FHL1: variants seen among roughly 807,000 people sequenced by gnomAD.
FHL1 encodes four and a half LIM domains protein 1.
Under a neutral mutation model 20.3 loss-of-function variants are expected in FHL1, and 1 was observed. The ratio of observed to expected loss-of-function variants is 0.05; its 90% CI spans 0.02 to 0.23. The LOEUF (loss-of-function observed/expected upper bound fraction) is 0.23. Among genes scored for constraint, FHL1 ranks in the 10% least tolerant of loss-of-function variants. The probability of loss-of-function intolerance (pLI) is 1.00; values close to 1 mark genes in which losing one functional copy is unlikely to be tolerated. For missense variants in FHL1, 177 were observed against 234.0 expected, an observed-to-expected ratio of 0.76 and a Z score of 1.59; for synonymous variants, 82 against 88.9, an observed-to-expected ratio of 0.92 and a Z score of 0.44.
upstream of FHL1, chrX:136,147,154 G>C (rs2072115333): frequency 5.1e-6 from 1 of 197,095 alleles, no homozygotes; most frequent in East Asian, 1.4e-4. Flanking sequence ...GGGGGCCCGA[G>C]GCGCCCCCGG....
intron 1 of FHL1, among the ~76,000 whole-genome samples, chrX:136,152,645 A>G (rs1457014751): frequency 2.0e-5 from 2 of 99,707 alleles, no homozygotes; most frequent in African/African-American, 7.4e-5. Context: ...GCTTGAATCC[A>G]GGAGTCGGAG....
chrX:136,190,969 GC>G (rs1187861186), intron 2 of FHL1, among the ~76,000 whole-genome samples: 4 of 111,168 alleles, frequency 3.6e-5, no homozygotes, highest in African/African-American at 9.8e-5. Flanking sequence ...CTCAGACCTG[GC>G]CCACTTTATC....
At chrX:136,179,409 A>G (rs1386797024) in intron 2 of FHL1, among the ~76,000 whole-genome samples, 1 of 111,792 alleles carries the variant, frequency 8.9e-6, no homozygotes, top group African/African-American at 3.3e-5. Context: ...GACTTCACAT[A>G]GGATCTTGAC....
upstream of FHL1, among the ~76,000 whole-genome samples, chrX:136,168,660 C>T (rs2072776992): frequency 9.0e-6 from 1 of 111,690 alleles, no homozygotes. Flanking sequence ...TCAGCAGATT[C>T]ATCCATTTTG....
intron 2 of FHL1, among the ~76,000 whole-genome samples, chrX:136,179,412 A>G (rs1443920723): frequency 9.0e-6 from 1 of 111,562 alleles, no homozygotes. Flanking sequence ...TTCACATAGG[A>G]TCTTGACCTG....
At chrX:136,206,933 A>G (rs2073856587) in intron 2 of FHL1, 83 bp from the exon 3 acceptor site, 1 of 1,063,368 alleles carries the variant, frequency 9.4e-7, no homozygotes, top group Admixed American at 2.2e-5. Flanking sequence ...GGTCAGTCCC[A>G]GGGAAATCAG....
chrX:136,202,761 AAAAG>A lies in FHL1; in HGVS notation c.23-3632_23-3629del, dbSNP rs768407951. Reference sequence around the variant, plus strand: ...CAGAGCGAGACTCCGTCTAAAATAAAAAAGAAAGAAAGAAAGAGCAAGCTTTTCT... The same window carrying A: ...CAGAGCGAGACTCCGTCTAAAATAAAAAAGAAAGAAAGAGCAAGCTTTTCT... On this transcript the variant is annotated intron_variant, in intron 1 of 5. Transcript: ENST00000370683. 4.2e-4 allele frequency among the ~76,000 whole-genome samples: 47 copies of A among 112,131 alleles called. No individual in the cohort carries two copies. The South Asian group carries it at 6.0e-3, about 14-fold the overall frequency.
At chrX:136,149,906 C>T (rs1231482957) in intron 1 of FHL1, among the ~76,000 whole-genome samples, 1 of 111,725 alleles carries the variant, frequency 9.0e-6, no homozygotes, top group Non-Finnish European at 1.9e-5. Context: ...GGTATTCATT[C>T]TGTGCCCCCA....
intron 2 of FHL1, among the ~76,000 whole-genome samples, chrX:136,185,790 A>G (rs1020319573): frequency 4.5e-5 from 5 of 112,259 alleles, no homozygotes; most frequent in African/African-American, 1.6e-4. Flanking sequence ...TGAAAAATCC[A>G]TGACAGATTT....
chrX:136,204,883 C>T (rs1027498483), intron 1 of FHL1: 1 of 111,967 alleles, frequency 8.9e-6, no homozygotes, highest in Admixed American at 9.4e-5. Flanking sequence ...ATAAAAAAAA[C>T]CTGGGAATGG....
Position 136,210,390 on chromosome X carries a change from C to G in FHL1, c.*365C>G. 2 of 397,952 alleles carry G rather than the reference C, an allele frequency of 5.0e-6. No homozygotes were observed. The highest frequency in any genetic ancestry group is 9.4e-6 in the Non-Finnish European group (2 of 212,897). 32.8% of individuals were successfully genotyped at this position (397,952 alleles called of 1,213,427 possible). On this transcript the variant is annotated 3_prime_UTR_variant, in exon 6 of 6. Coordinates refer to ENST00000370683, the MANE Select transcript of FHL1 (RefSeq NM_001159699.2). ...AACCCCCACTGAGATGCCTCTCATG[C>G]CTCAGCTGGGACCCACCGTGTAGAC...
upstream of FHL1, among the ~76,000 whole-genome samples, chrX:136,166,485 T>C (rs1257348297): frequency 1.8e-5 from 2 of 111,611 alleles, no homozygotes; most frequent in African/African-American, 6.5e-5. Context: ...TCCCTGCCCC[T>C]TCCCCACCAC....
chrX:136,189,230 A>T (rs1216296162), intron 2 of FHL1, among the ~76,000 whole-genome samples: 1 of 111,865 alleles, frequency 8.9e-6, no homozygotes, highest in African/African-American at 3.3e-5. Flanking sequence ...ACCTAGACCT[A>T]TTGGGTATTT....
At chrX:136,196,883 G>T, upstream of FHL1, 1 of 1,157,773 alleles carries the variant, frequency 8.6e-7, no homozygotes, top group Non-Finnish European at 1.2e-6. Flanking sequence ...TGTAGCGTTT[G>T]GTATTTTTAC....
chrX:136,208,772 C>G, intron 5 of FHL1, 131 bp downstream of exon 5: 1 of 640,767 alleles, frequency 1.6e-6, no homozygotes, highest in Non-Finnish European at 2.5e-6. Flanking sequence ...CTATTGTGGT[C>G]CCAAAGGCCC....
chrX:136,181,961 T>C lies in FHL1; in HGVS notation c.-27+11981T>C, dbSNP rs751987877. On this transcript the variant is annotated intron_variant, in intron 2 of 6. Coordinates refer to the FHL1 transcript ENST00000394153. ...ATTTTATACACTTGAAGTCTAGCTT[T>C]TTGAACAGTACACAAATGTGACTAA... Among the ~76,000 whole-genome samples the C allele has an allele frequency of 3.6e-5, 4 of 112,339 alleles. No homozygotes were observed. In the South Asian group the frequency reaches 1.5e-3, roughly 41 times the overall value.
chrX:136,177,267 G>T (rs1326715897), intron 2 of FHL1, among the ~76,000 whole-genome samples: 6 of 111,409 alleles, frequency 5.4e-5, no homozygotes, highest in Admixed American at 2.9e-4. Context: ...GAGTTCAAGT[G>T]TATTAAATTG....
chrX:136,156,374 C>T (rs372238056), intron 1 of FHL1, among the ~76,000 whole-genome samples: 10 of 107,815 alleles, frequency 9.3e-5, no homozygotes, highest in African/African-American at 1.7e-4. Context: ...CCTCTGCCTC[C>T]GGGTTCAAGC....
At position 136,162,191 on chromosome X, in the gene FHL1, G is replaced by A. The variant is rs763016733; in HGVS notation, c.-100-7716G>A. ...AAGAACGCCCATTCTAATTGGAGAAGCTGTTAAAGACACATGAAGGATGTG... is the reference window on the plus strand; with the variant it reads ...AAGAACGCCCATTCTAATTGGAGAAACTGTTAAAGACACATGAAGGATGTG... On this transcript the variant is annotated intron_variant, in intron 1 of 7. Coordinates refer to the FHL1 transcript ENST00000394155. Among the ~76,000 whole-genome samples, 595 of 108,340 alleles carry A rather than the reference G, an allele frequency of 5.5e-3. 8 individuals are homozygous for A. The highest frequency in any genetic ancestry group is 8.0e-3 in the Non-Finnish European group (417 of 52,317). 94.1% of individuals were successfully genotyped at this position (108,340 alleles called of 115,157 possible).
Sources: allele counts gnomAD v4.1 joint callset (sites outside exome capture counted in the v4.1 genomes callset), GRCh38; gene constraint gnomAD v4.1.1; transcripts MANE v1.5; gene names NCBI Gene and HGNC (gene_info 2026-07-23, HGNC 2026-07-21).